BANK1: variants seen among roughly 807,000 people sequenced by gnomAD.
The protein encoded by BANK1 is B cell scaffold protein with ankyrin repeats 1.
A neutral mutation model predicts 94.5 loss-of-function variants in BANK1; 95 were observed. The observed-to-expected ratio is 1.00, with a 90% CI of 0.85 to 1.19. The LOEUF is 1.19. Ranked by LOEUF, BANK1 falls within the 50% of genes most tolerant of loss-of-function variation. The pLI is 0.00. For missense variants in BANK1, 987 were observed against 932.2 expected (o/e 1.06, Z -0.77); for synonymous variants, 334 against 308.4 (o/e 1.08, Z -0.87).
intron 11 of BANK1, among the ~76,000 whole-genome samples, chr4:102,051,579 C>A (rs1395536483): frequency 2.0e-5 from 3 of 152,120 alleles, no homozygotes; most frequent in Non-Finnish European, 4.4e-5. Flanking sequence ...TTAATTGAGA[C>A]AAATTAAAAA....
rs541646530 is a variant in BANK1 at position 101,838,446 on chromosome 4, G to T, written c.469+8240G>T. Among the ~76,000 whole-genome samples the T allele has an allele frequency of 7.2e-5, 11 of 152,118 alleles. No individual in the cohort carries two copies. The South Asian group carries it at 1.7e-3, about 23-fold the overall frequency. ...CCAAAAATCTTACCTTTCTTTAGATGATTTCCTCTTTATTTTTGCTAAAAG... is the reference window on the plus strand; with the variant it reads ...CCAAAAATCTTACCTTTCTTTAGATTATTTCCTCTTTATTTTTGCTAAAAG... On this transcript the variant is annotated intron_variant, in intron 2 of 16. Coordinates refer to ENST00000322953, the MANE Select transcript of BANK1 (RefSeq NM_017935.5).
intron 7 of BANK1, among the ~76,000 whole-genome samples, chr4:101,975,905 C>T (rs913093057): frequency 5.3e-5 from 8 of 152,078 alleles, no homozygotes; most frequent in Admixed American, 3.3e-4. Flanking sequence ...TGATAACTTC[C>T]GTCCTTTCTC....
intron 7 of BANK1, among the ~76,000 whole-genome samples, chr4:101,983,953 A>G (rs2148928606): frequency 6.6e-6 from 1 of 152,210 alleles, no homozygotes; most frequent in South Asian, 2.1e-4. Context: ...GCACAAGAAA[A>G]AAAATTCCAG....
intron 1 of BANK1, among the ~76,000 whole-genome samples, chr4:101,797,291 A>T (rs1309276072): frequency 6.6e-6 from 1 of 152,192 alleles, no homozygotes; most frequent in Non-Finnish European, 1.5e-5. Context: ...ACAAGGTTAC[A>T]CTCACAATGT....
At chr4:101,932,888 G>C (rs1052159786) in intron 7 of BANK1, among the ~76,000 whole-genome samples, 3 of 151,486 alleles carry the variant, frequency 2.0e-5, no homozygotes, top group African/African-American at 7.3e-5. Context: ...TTAGTGTATA[G>C]CTCTGTAGCT....
intron 1 of BANK1, among the ~76,000 whole-genome samples, chr4:101,794,966 C>A (rs929023839): frequency 6.6e-6 from 1 of 152,000 alleles, no homozygotes; most frequent in African/African-American, 2.4e-5. Flanking sequence ...TATTAATTCC[C>A]ATTGCCTTGT....
rs1196878106 is a variant in BANK1 at position 101,829,935 on chromosome 4, T to A, written c.198T>A (p.Ser66=). Residue 66 remains serine, a synonymous_variant, in exon 2 of 17, where the codon TCT becomes TCA. Coordinates refer to ENST00000322953, the MANE Select transcript of BANK1 (RefSeq NM_017935.5). The part of the protein sequence containing the change: ...AILLYRLENF[S]FRHLELLNLT... ...TGTTATATCGCTTGGAGAATTTCTC[T>A]TTTCGGCATTTGGAGTTGCTGAACT... 1.2e-6 allele frequency: 2 copies of A among 1,614,014 alleles called. No homozygotes were observed. Among genetic ancestry groups the A allele is most frequent in the Admixed American group, 3.3e-5 (2 of 60,018 alleles).
intron 6 of BANK1, 85 bp from the exon 7 acceptor site, chr4:101,917,908 T>G: frequency 1.0e-6 from 1 of 954,704 alleles, no homozygotes; most frequent in Non-Finnish European, 1.5e-6. Context: ...TGGGAATTAC[T>G]TTTAGGAGCA....
intron 8 of BANK1, among the ~76,000 whole-genome samples, chr4:102,024,281 C>A (rs528493590): frequency 6.6e-6 from 1 of 152,042 alleles, no homozygotes; most frequent in Non-Finnish European, 1.5e-5. Flanking sequence ...ACAAGGAAAA[C>A]AATTCACATA....
intron 7 of BANK1, among the ~76,000 whole-genome samples, chr4:101,943,124 A>T (rs566206031): frequency 6.6e-6 from 1 of 152,076 alleles, no homozygotes; most frequent in African/African-American, 2.4e-5. Context: ...GATGAATCTG[A>T]AAAACTTCAA....
Position 101,808,169 on chromosome 4 carries a change from A to C in BANK1, c.70+17219A>C, listed in dbSNP as rs547392123. ...TTGAAAGCCTGGCCTCTTAACCACTATATGTTTATCTGAAATAAACTTATT... is the reference window on the plus strand; with the variant it reads ...TTGAAAGCCTGGCCTCTTAACCACTCTATGTTTATCTGAAATAAACTTATT... On this transcript the variant is annotated intron_variant, in intron 1 of 16. Coordinates refer to ENST00000322953, the MANE Select transcript of BANK1 (RefSeq NM_017935.5). Among the ~76,000 whole-genome samples the C allele has an allele frequency of 2.3e-3, 343 of 152,218 alleles. 11 individuals are homozygous for C. The South Asian group carries it at 0.069, about 31-fold the overall frequency.
In BANK1 at chr4:101,828,891, C is replaced by G. The variant is rs561971261; in HGVS notation, c.71-917C>G. On this transcript the variant is annotated intron_variant, in intron 1 of 16. Coordinates refer to ENST00000322953, the MANE Select transcript of BANK1 (RefSeq NM_017935.5). ...TCTTCTTTTTTTTTTGAGACAGAGT[C>G]TCACTCTGTTGCCCAGGCTGGAGTG... 4.0e-5 allele frequency among the ~76,000 whole-genome samples: 6 copies of G among 151,684 alleles called. No homozygotes were observed. In the East Asian group the frequency reaches 7.8e-4, roughly 20 times the overall value.
At chr4:101,873,116 A>AT (rs5860700) in intron 5 of BANK1, among the ~76,000 whole-genome samples, 5 of 151,742 alleles carry the variant, frequency 3.3e-5, no homozygotes, top group Non-Finnish European at 5.9e-5. Flanking sequence ...CTACTCAGCC[A>AT]TTTTTTTTAA....
At chr4:102,028,939 C>G (rs896930217) in intron 9 of BANK1, among the ~76,000 whole-genome samples, 2 of 151,458 alleles carry the variant, frequency 1.3e-5, no homozygotes, top group Middle Eastern at 3.2e-3. Flanking sequence ...TTTTGAGGCA[C>G]GATCTTGCTC....
In BANK1 at chr4:101,981,647, C is replaced by T. The variant is rs1725328122; in HGVS notation, c.1207-39867C>T. Among the ~76,000 whole-genome samples, 4 of 152,054 alleles carry T rather than the reference C, an allele frequency of 2.6e-5. No homozygotes were observed. The South Asian group carries it at 8.3e-4, about 32-fold the overall frequency. Reference sequence around the variant, plus strand: ...TGGAATTATATATTTAAATATTTATCCTGATCTATGGCAGAGGGTTCCTGG... The same window carrying T: ...TGGAATTATATATTTAAATATTTATTCTGATCTATGGCAGAGGGTTCCTGG... On this transcript the variant is annotated intron_variant, in intron 7 of 16. Coordinates refer to ENST00000322953, the MANE Select transcript of BANK1 (RefSeq NM_017935.5).
At chr4:102,064,288 A>C (rs1391018898) in intron 13 of BANK1, among the ~76,000 whole-genome samples, 1 of 152,204 alleles carries the variant, frequency 6.6e-6, no homozygotes, top group African/African-American at 2.4e-5. Context: ...AAACACAAAT[A>C]TACTTTCTAA....
chr4:101,859,560 T>TA (rs1727796213), intron 3 of BANK1, among the ~76,000 whole-genome samples: 1 of 152,148 alleles, frequency 6.6e-6, no homozygotes. Context: ...AGCAAAACAA[T>TA]AGCTTCGTAA....
intron 7 of BANK1, among the ~76,000 whole-genome samples, chr4:101,985,688 T>G (rs1050373094): frequency 1.1e-4 from 16 of 152,108 alleles, no homozygotes; most frequent in African/African-American, 3.9e-4. Context: ...TCAATCATGT[T>G]TCCATTTATG....
chr4:101,957,741 A>T (rs926800695), intron 7 of BANK1, among the ~76,000 whole-genome samples: 12 of 152,234 alleles, frequency 7.9e-5, no homozygotes, highest in Non-Finnish European at 1.3e-4. Flanking sequence ...CATAACTGGA[A>T]ACACAAACTT....
Sources: allele counts gnomAD v4.1 joint callset (sites outside exome capture counted in the v4.1 genomes callset), GRCh38; gene constraint gnomAD v4.1.1; transcripts MANE v1.5; gene names NCBI Gene and HGNC (gene_info 2026-07-23, HGNC 2026-07-21).